ADCY2: variants seen among roughly 807,000 people sequenced by gnomAD.
ADCY2 encodes adenylate cyclase 2, also known as adenylate cyclase type 2.
Under a neutral mutation model 125.2 loss-of-function variants are expected in ADCY2, and 31 were observed. That is an observed-to-expected ratio of 0.25 (90% CI 0.19 to 0.33). ADCY2 has a LOEUF of 0.33. Among genes scored for constraint, ADCY2 ranks in the 10% least tolerant of loss-of-function variants. ADCY2 has a pLI of 1.00. For synonymous variants in ADCY2, 512 were observed against 548.4 expected (o/e 0.93, Z 0.93); for missense variants, 904 against 1,418.2 (o/e 0.64, Z 5.82).
At chr5:7,717,096 T>C (rs1455407570) in intron 11 of ADCY2, 61 bp from the exon 12 acceptor site, 2 of 1,087,842 alleles carry the variant, frequency 1.8e-6, no homozygotes, top group African/African-American at 3.2e-5. Context: ...CTCTAAAAAA[T>C]TGGCTTAATA....
chr5:7,581,832 A>G (rs1446928347), intron 3 of ADCY2, among the ~76,000 whole-genome samples: 3 of 151,822 alleles, frequency 2.0e-5, no homozygotes, highest in Non-Finnish European at 4.4e-5. Flanking sequence ...AAAAAAAAAA[A>G]AAAGAAAAAG....
At chr5:7,666,131 C>T (rs1473104420) in intron 4 of ADCY2, among the ~76,000 whole-genome samples, 2 of 151,798 alleles carry the variant, frequency 1.3e-5, no homozygotes, top group South Asian at 4.2e-4. Context: ...AGCCACTGCG[C>T]CCAGCCCTTA....
intron 18 of ADCY2, among the ~76,000 whole-genome samples, chr5:7,781,268 A>C (rs1206383152): frequency 1.3e-5 from 2 of 152,196 alleles, no homozygotes; most frequent in Non-Finnish European, 2.9e-5. Flanking sequence ...TAAACAGCTG[A>C]CCTGATTGGT....
intron 2 of ADCY2, among the ~76,000 whole-genome samples, chr5:7,419,404 G>A (rs1384306763): frequency 1.3e-5 from 2 of 152,164 alleles, no homozygotes; most frequent in Non-Finnish European, 1.5e-5. Context: ...GTGGAGTCAT[G>A]GCTGGTGCTG....
At chr5:7,670,782 T>C (rs554909673) in intron 4 of ADCY2, among the ~76,000 whole-genome samples, 1 of 152,258 alleles carries the variant, frequency 6.6e-6, no homozygotes, top group East Asian at 1.9e-4. Flanking sequence ...TCTGTGAGAA[T>C]CTAATGCTGC....
chr5:7,772,871 T>C, intron 17 of ADCY2, 61 bp from the exon 18 acceptor site: 1 of 1,527,594 alleles, frequency 6.5e-7, no homozygotes, highest in South Asian at 1.2e-5. Flanking sequence ...CTGATTGTAA[T>C]TGTTTCAGCA....
intron 20 of ADCY2, among the ~76,000 whole-genome samples, chr5:7,791,953 G>T (rs1484306736): frequency 1.3e-5 from 2 of 152,104 alleles, no homozygotes; most frequent in Non-Finnish European, 2.9e-5. Flanking sequence ...GGGCCAGGGG[G>T]AGAGAGGAAC....
At chr5:7,436,005 A>G (rs1320167829) in intron 2 of ADCY2, among the ~76,000 whole-genome samples, 1 of 152,184 alleles carries the variant, frequency 6.6e-6, no homozygotes, top group Non-Finnish European at 1.5e-5. Context: ...GTCAGTTTCC[A>G]TTATTTGCAG....
chr5:7,816,017 T>A (rs907667211), intron 22 of ADCY2, among the ~76,000 whole-genome samples: 2 of 152,184 alleles, frequency 1.3e-5, no homozygotes, highest in Admixed American at 1.3e-4. Context: ...TGTGGGTGAC[T>A]GGGTCCTAAC....
Position 7,407,555 on chromosome 5 carries a change from C to T in ADCY2, c.211-7018C>T, listed in dbSNP as rs182739529. ...TTTGGGTGGGGACACACAGCCAAAC[C>T]GTATCACATGTCTAGTCAGCCAAAG... On this transcript the variant is annotated intron_variant, in intron 1 of 24. Coordinates refer to ENST00000338316, the MANE Select transcript of ADCY2 (RefSeq NM_020546.3). 1.1e-4 allele frequency among the ~76,000 whole-genome samples: 17 copies of T among 152,170 alleles called. 1 individual carries two copies. In the East Asian group the frequency reaches 1.7e-3, roughly 16 times the overall value.
intron 1 of ADCY2, among the ~76,000 whole-genome samples, chr5:7,398,324 C>T (rs1304744522): frequency 6.6e-6 from 1 of 152,166 alleles, no homozygotes. Context: ...ATGGGTCACT[C>T]AGAGATTTAG....
chr5:7,418,443 G>A (rs1740040977), intron 2 of ADCY2, among the ~76,000 whole-genome samples: 1 of 152,080 alleles, frequency 6.6e-6, no homozygotes, highest in African/African-American at 2.4e-5. Context: ...CTCAGTGGCT[G>A]TAGCTATTTT....
At chr5:7,494,443 G>A (rs1250901048) in intron 2 of ADCY2, among the ~76,000 whole-genome samples, 1 of 152,086 alleles carries the variant, frequency 6.6e-6, no homozygotes, top group African/African-American at 2.4e-5. Flanking sequence ...TGCACATGCT[G>A]CACTCTACTT....
chr5:7,508,189 T>G (rs114073071), intron 2 of ADCY2, among the ~76,000 whole-genome samples: 219 of 152,318 alleles, frequency 1.4e-3, no homozygotes, highest in African/African-American at 5.1e-3. Flanking sequence ...TTTGCCTAAG[T>G]CCTTCTTTGC....
At chr5:7,408,934 A>G (rs1179307728) in intron 1 of ADCY2, among the ~76,000 whole-genome samples, 3 of 152,216 alleles carry the variant, frequency 2.0e-5, no homozygotes, top group Non-Finnish European at 4.4e-5. Context: ...TTATGTGAAT[A>G]TTCATTGCAG....
intron 4 of ADCY2, among the ~76,000 whole-genome samples, chr5:7,664,387 G>A (rs534524592): frequency 1.3e-5 from 2 of 152,282 alleles, no homozygotes; most frequent in South Asian, 2.1e-4. Context: ...TTCAGAGAGC[G>A]ATGGTAAGGG....
intron 3 of ADCY2, among the ~76,000 whole-genome samples, chr5:7,569,486 G>T (rs1431365182): frequency 6.6e-6 from 1 of 152,124 alleles, no homozygotes; most frequent in Non-Finnish European, 1.5e-5. Flanking sequence ...ATCCAGGATT[G>T]CTGAGGAACA....
rs148516403 is a variant in ADCY2, at chr5:7,487,888, T to C, written c.409-32850T>C. 4.7e-4 allele frequency among the ~76,000 whole-genome samples: 72 copies of C among 152,306 alleles called. 2 individuals carry two copies. The Middle Eastern group carries it at 0.014, about 29-fold the overall frequency. On this transcript the variant is annotated intron_variant, in intron 2 of 24. Coordinates refer to ENST00000338316, the MANE Select transcript of ADCY2 (RefSeq NM_020546.3). ...ATTCTTATGTGACAAGTTCAGACTG[T>C]TTATTTAGAGATTCTTTTATTGGAA...
chr5:7,480,727 C>A (rs1742698149), intron 2 of ADCY2, among the ~76,000 whole-genome samples: 2 of 146,698 alleles, frequency 1.4e-5, no homozygotes, highest in South Asian at 4.4e-4. Context: ...ATATAACAAA[C>A]CTGCACATGT....
Sources: allele counts gnomAD v4.1 joint callset (sites outside exome capture counted in the v4.1 genomes callset), GRCh38; gene constraint gnomAD v4.1.1; transcripts MANE v1.5; gene names NCBI Gene and HGNC (gene_info 2026-07-23, HGNC 2026-07-21).